The following NRXN1 variants were observed in gnomAD, a reference collection of about 807,000 sequenced individuals.
NRXN1 encodes the protein neurexin-1.
A neutral mutation model predicts 150.9 loss-of-function variants in NRXN1; 39 were observed. That is an observed-to-expected ratio of 0.26 (90% CI 0.20 to 0.34). The LOEUF (loss-of-function observed/expected upper bound fraction) is 0.34, where lower values mean the gene tolerates loss of function less well. Ranked by LOEUF, NRXN1 falls within the 10% of genes least tolerant of loss-of-function variation. The probability of loss-of-function intolerance (pLI) is 1.00; values close to 1 mark genes in which losing one functional copy is unlikely to be tolerated. For synonymous variants in NRXN1, 924 were observed against 757.0 expected (o/e 1.22, Z -3.62); for missense variants, 1,815 against 1,949.9 (o/e 0.93, Z 1.30).
intron 2 of NRXN1, chr2:50,964,073 A>ATTTAGTGTAT (rs1693657479): frequency 2.7e-6 from 1 of 370,340 alleles, no homozygotes; most frequent in Non-Finnish European, 5.4e-6. Flanking sequence ...ATTAAGATCC[A>ATTTAGTGTAT]GTTATGCTAT....
intron 17 of NRXN1, among the ~76,000 whole-genome samples, chr2:50,454,482 A>G (rs573685628): frequency 6.6e-6 from 1 of 152,258 alleles, no homozygotes; most frequent in South Asian, 2.1e-4. Context: ...ACACACTCAC[A>G]TACAAACTTT....
intron 5 of NRXN1, among the ~76,000 whole-genome samples, chr2:50,899,798 C>T (rs1365420378): frequency 6.6e-6 from 1 of 152,084 alleles, no homozygotes; most frequent in Non-Finnish European, 1.5e-5. Flanking sequence ...TGATATCTGG[C>T]AGAATTATGT....
chr2:50,770,466 T>C (rs976380608), intron 5 of NRXN1, among the ~76,000 whole-genome samples: 14 of 151,988 alleles, frequency 9.2e-5, no homozygotes, highest in African/African-American at 3.4e-4. Context: ...ACAGTTACAT[T>C]GGACTAAGGT....
At chr2:50,491,778 C>T (rs1037032830) in intron 15 of NRXN1, among the ~76,000 whole-genome samples, 1 of 152,086 alleles carries the variant, frequency 6.6e-6, no homozygotes, top group East Asian at 1.9e-4. Context: ...TTTAATTTTC[C>T]CCCTATCAAG....
In NRXN1 at chr2:50,359,247, G is replaced by A. The variant is rs569186212; in HGVS notation, c.3364+106195C>T. 5.3e-5 allele frequency among the ~76,000 whole-genome samples: 8 copies of A among 152,068 alleles called. No individual in the cohort carries two copies. In the South Asian group the frequency reaches 1.5e-3, roughly 28 times the overall value. ...TGCAAGCAAGGGAACAAAACTGGAC[G>A]GCGAATGAGTTTGACGAATTGACAG... is the stretch of plus-strand genomic sequence containing the variant. On this transcript the variant is annotated intron_variant, in intron 17 of 22. Coordinates refer to ENST00000401669, the MANE Select transcript of NRXN1 (RefSeq NM_001330078.2).
At chr2:50,233,517 G>T (rs1915217) in intron 18 of NRXN1, among the ~76,000 whole-genome samples, 74,505 of 151,692 alleles carry the variant, frequency 0.49, 18,591 homozygotes, top group Middle Eastern at 0.57. Context: ...TTAAATAGCA[G>T]TATATATTTC....
intron 18 of NRXN1, among the ~76,000 whole-genome samples, chr2:50,152,332 C>T (rs1406305200): frequency 6.6e-6 from 1 of 151,640 alleles, no homozygotes; most frequent in Non-Finnish European, 1.5e-5. Context: ...TTACTTATGA[C>T]AATGTTCTCA....
chr2:50,758,805 C>T (rs570269099), intron 5 of NRXN1, among the ~76,000 whole-genome samples: 23 of 151,946 alleles, frequency 1.5e-4, no homozygotes, highest in African/African-American at 4.8e-4. Context: ...CTCATCTATT[C>T]GCACCAACCT....
intron 21 of NRXN1, among the ~76,000 whole-genome samples, chr2:49,979,770 C>A (rs1262339767): frequency 2.6e-5 from 4 of 152,026 alleles, no homozygotes; most frequent in Non-Finnish European, 5.9e-5. Flanking sequence ...ATAATTGAAG[C>A]ACTACTTTGA....
chr2:50,367,440 C>A (rs1324176887), intron 17 of NRXN1, among the ~76,000 whole-genome samples: 1 of 151,998 alleles, frequency 6.6e-6, no homozygotes, highest in Non-Finnish European at 1.5e-5. Context: ...CTTTCATCCA[C>A]TTAATTATCA....
chr2:49,980,082 T>A (rs1453065692), intron 21 of NRXN1, among the ~76,000 whole-genome samples: 1 of 152,100 alleles, frequency 6.6e-6, no homozygotes, highest in African/African-American at 2.4e-5. Flanking sequence ...AATAAAGAAA[T>A]TGGGACTCAG....
At chr2:50,221,176 G>A (rs1292328699) in intron 18 of NRXN1, among the ~76,000 whole-genome samples, 2 of 124,640 alleles carry the variant, frequency 1.6e-5, no homozygotes, top group African/African-American at 2.9e-5. Context: ...CAAACAACCT[G>A]TTGGAAATAA....
chr2:50,538,560 C>T lies in NRXN1; in HGVS notation c.1836G>A (p.Glu612=). 6.4e-7 allele frequency: 1 copy of T among 1,573,074 alleles called. No homozygotes were observed. Among genetic ancestry groups the T allele is most frequent in the Non-Finnish European group, 8.6e-7 (1 of 1,157,898 alleles). The change falls in exon 10 of 23, where the codon GAG becomes GAA. Residue 612 remains glutamate, a synonymous_variant. Coordinates refer to ENST00000401669, the MANE Select transcript of NRXN1 (RefSeq NM_001330078.2). ...GESEILDLDD[E]LYLGGLPENK... Reference sequence around the variant, plus strand: ...TTTCTGGCAGCCCCCCCAGGTACAACTCATCATCCAGGTCCAGAATCTCAC... The same window carrying T: ...TTTCTGGCAGCCCCCCCAGGTACAATTCATCATCCAGGTCCAGAATCTCAC...
At chr2:50,187,881 T>C (rs1488126177) in intron 18 of NRXN1, among the ~76,000 whole-genome samples, 1 of 151,518 alleles carries the variant, frequency 6.6e-6, no homozygotes. Context: ...TGGCACTTTG[T>C]TTGTCTATTG....
chr2:49,967,051 T>C (rs137910873), intron 21 of NRXN1, among the ~76,000 whole-genome samples: 1,702 of 152,238 alleles, frequency 0.011, 42 homozygotes, highest in African/African-American at 0.038. Context: ...TCTTAGGCAA[T>C]TGATCGAACC....
At chr2:50,534,041 C>A (rs190772175) in intron 10 of NRXN1, among the ~76,000 whole-genome samples, 1 of 151,790 alleles carries the variant, frequency 6.6e-6, no homozygotes, top group Non-Finnish European at 1.5e-5. Context: ...GCAGCAAGTG[C>A]CCCCACAATG....
At chr2:50,618,481 A>G (rs1377571218) in intron 8 of NRXN1, among the ~76,000 whole-genome samples, 1 of 152,056 alleles carries the variant, frequency 6.6e-6, no homozygotes, top group Admixed American at 6.6e-5. Flanking sequence ...CAAATTTGAG[A>G]GTTTGTACAA....
In NRXN1 at chr2:50,538,415, C is replaced by T; in HGVS notation, c.1981G>A (p.Glu661Lys). ...GQSKDIRQMA[E>K]VQSTAGVKPS... ...TTCACTCCAGCAGTACTTTGAACTT[C>T]AGCCATTTGCCGGATATCTTTGCTT... Residue 661 changes from glutamate to lysine, a missense_variant, in exon 10 of 23, where the codon GAA (glutamate) becomes AAA (lysine). Coordinates refer to ENST00000401669, the MANE Select transcript of NRXN1 (RefSeq NM_001330078.2). 1.2e-6 allele frequency: 2 copies of T among 1,614,002 alleles called. No homozygotes were observed. The highest frequency in any genetic ancestry group is 1.7e-6 in the Non-Finnish European group (2 of 1,179,872).
intron 5 of NRXN1, among the ~76,000 whole-genome samples, chr2:50,736,110 AC>A (rs1167512853): frequency 8.6e-5 from 13 of 151,972 alleles, no homozygotes; most frequent in African/African-American, 2.7e-4. Context: ...TCACATTTCA[AC>A]CCCCCTGCTT....
Sources: gnomAD v4.1 joint callset for allele counts (sites outside exome capture counted in the v4.1 genomes callset) on GRCh38, gnomAD v4.1.1 for gene constraint, MANE v1.5 for transcripts, NCBI Gene and HGNC (gene_info 2026-07-23, HGNC 2026-07-21) for gene names.